The following MRTFB variants were observed in gnomAD, a reference collection of about 807,000 sequenced individuals.
MRTFB encodes myocardin-related transcription factor B.
In MRTFB, 29 loss-of-function variants were observed where a neutral mutation model predicts 104.2. The ratio of observed to expected loss-of-function variants is 0.28; its 90% CI spans 0.21 to 0.38. The LOEUF is 0.38. Ranked by LOEUF, MRTFB falls within the 10% of genes least tolerant of loss-of-function variation. The probability of loss-of-function intolerance (pLI) is 1.00; values close to 1 mark genes in which losing one functional copy is unlikely to be tolerated. For synonymous variants in MRTFB, 535 were observed against 519.5 expected (o/e 1.03, Z -0.41); for missense variants, 1,270 against 1,341.6 (o/e 0.95, Z 0.83).
In MRTFB at chr16:14,246,692, G is replaced by A. The variant is rs746975324; in HGVS notation, c.1432G>A (p.Val478Ile). 32 of 1,614,060 alleles carry A rather than the reference G, an allele frequency of 2.0e-5. No homozygotes were observed. The East Asian group carries it at 4.7e-4, about 24-fold the overall frequency. Reference sequence around the variant, plus strand: ...ACTACACAACACTGTGACTAGCTCAGTCTCTACTCTCAAGGCAGAATTGCC... The same window carrying A: ...ACTACACAACACTGTGACTAGCTCAATCTCTACTCTCAAGGCAGAATTGCC... ...TTLHNTVTSS[V>I]STLKAELPPT... The change falls in exon 12 of 17, where the codon GTC becomes ATC. Residue 478 changes from valine (V) to isoleucine (I), a missense_variant. Coordinates refer to ENST00000571589, the MANE Select transcript of MRTFB (RefSeq NM_001308142.2).
intron 13 of MRTFB, 134 bp downstream of exon 13, chr16:14,249,215 G>A: frequency 1.9e-6 from 2 of 1,075,488 alleles, no homozygotes; most frequent in Admixed American, 2.8e-5. Flanking sequence ...CCCATAGAAT[G>A]AGCCTTAGGT....
chr16:14,187,081 T>C (rs2039982378), intron 3 of MRTFB: 3 of 1,521,234 alleles, frequency 2.0e-6, no homozygotes, highest in East Asian at 2.3e-5. Context: ...ATTCATATTC[T>C]GGTCAGCCAG....
intron 2 of MRTFB, among the ~76,000 whole-genome samples, chr16:14,136,540 AT>A (rs572591202): frequency 1.3e-5 from 2 of 151,614 alleles, no homozygotes; most frequent in Non-Finnish European, 2.9e-5. Context: ...CCCATCAGGG[AT>A]TTTTTTTTAA....
chr16:14,017,702 TA>T, the MRTFB span, among the ~76,000 whole-genome samples: 4 of 35,816 alleles, frequency 1.1e-4, no homozygotes, highest in Non-Finnish European at 2.9e-4. Flanking sequence ...TATATATATA[TA>T]TATATATATT....
At chr16:14,127,050 T>C (rs2037147314) in intron 2 of MRTFB, among the ~76,000 whole-genome samples, 1 of 152,236 alleles carries the variant, frequency 6.6e-6, no homozygotes, top group East Asian at 1.9e-4. Flanking sequence ...TACTCATTTT[T>C]CAAAGAGGCT....
intron 3 of MRTFB, among the ~76,000 whole-genome samples, chr16:14,207,080 T>C (rs1189077234): frequency 2.0e-5 from 3 of 152,200 alleles, no homozygotes; most frequent in Non-Finnish European, 4.4e-5. Flanking sequence ...CATGGATTTG[T>C]ACCCCATGCA....
chr16:14,217,783 TTC>T (rs1457171388), intron 7 of MRTFB, among the ~76,000 whole-genome samples: 21 of 152,248 alleles, frequency 1.4e-4, no homozygotes, highest in African/African-American at 5.1e-4. Flanking sequence ...AACTTTTTAT[TTC>T]TGTCTACTTC....
At chr16:14,258,067 A>C in intron 15 of MRTFB, 34 bp from the exon 16 acceptor site, 1 of 1,595,788 alleles carries the variant, frequency 6.3e-7, no homozygotes, top group Non-Finnish European at 8.6e-7. Flanking sequence ...GGTTTGTATG[A>C]AAGAAACCTA....
intron 1 of MRTFB, among the ~76,000 whole-genome samples, 171 bp from the exon 2 acceptor site, chr16:14,079,119 G>C (rs1040358851): frequency 3.3e-5 from 5 of 152,148 alleles, no homozygotes; most frequent in Non-Finnish European, 7.4e-5. Flanking sequence ...TTTAGGAAAA[G>C]TTTTAGTTAC....
At chr16:14,061,043 G>C in the MRTFB span, among the ~76,000 whole-genome samples, 1 of 152,130 alleles carries the variant, frequency 6.6e-6, no homozygotes, top group Non-Finnish European at 1.5e-5. Flanking sequence ...CTACTCAGGA[G>C]GCTGAAGCAG....
At chr16:14,224,013 G>T (rs917603607) in intron 8 of MRTFB, among the ~76,000 whole-genome samples, 16 of 152,182 alleles carry the variant, frequency 1.1e-4, no homozygotes, top group African/African-American at 3.9e-4. Flanking sequence ...AGGCATGGCT[G>T]GGGAGGCCTC....
chr16:14,256,194 CAA>C (rs750556838), intron 15 of MRTFB, among the ~76,000 whole-genome samples: 3 of 77,632 alleles, frequency 3.9e-5, no homozygotes, highest in Non-Finnish European at 5.4e-5. Context: ...AACAGGATAA[CAA>C]AAAAAAAAAA....
intron 1 of MRTFB, among the ~76,000 whole-genome samples, chr16:14,078,640 G>T (rs1403053678): frequency 1.3e-5 from 2 of 150,132 alleles, no homozygotes; most frequent in East Asian, 1.9e-4. Flanking sequence ...TGTTGCCTCA[G>T]TCTGGTCTCA....
At chr16:14,128,211 C>T (rs189462386) in intron 2 of MRTFB, among the ~76,000 whole-genome samples, 4 of 152,014 alleles carry the variant, frequency 2.6e-5, no homozygotes, top group South Asian at 2.1e-4. Flanking sequence ...TCTGTGCAAG[C>T]GTAGTTGGGT....
chr16:14,151,624 A>C (rs894714610), intron 3 of MRTFB: 4 of 152,136 alleles, frequency 2.6e-5, no homozygotes, highest in African/African-American at 9.7e-5. Flanking sequence ...AATGACATTC[A>C]GTTTCTTAAT....
At chr16:14,138,025 T>A (rs1388478478) in intron 2 of MRTFB, among the ~76,000 whole-genome samples, 2 of 152,118 alleles carry the variant, frequency 1.3e-5, no homozygotes, top group Non-Finnish European at 2.9e-5. Flanking sequence ...CTGAAACTAT[T>A]TGTATTTTTT....
chr16:14,045,263 G>A, the MRTFB span, among the ~76,000 whole-genome samples: 11 of 152,182 alleles, frequency 7.2e-5, no homozygotes, highest in South Asian at 6.2e-4. Context: ...TTTCCAGAAC[G>A]TCACATGGAA....
Position 14,265,022 on chromosome 16 carries a change from G to GTAA in MRTFB, c.*3579_*3581dup, listed in dbSNP as rs2043898422. On this transcript the variant is annotated 3_prime_UTR_variant, in exon 17 of 17. Transcript: ENST00000571589. ...AAATGGACTTGGCCTTAGAGACGTGGTAAAGCACTTTGGCAGGGTTTAAAA... is the reference window on the plus strand; with the variant it reads ...AAATGGACTTGGCCTTAGAGACGTGGTAATAAAGCACTTTGGCAGGGTTTAAAA... The GTAA allele has an allele frequency of 6.6e-6, 1 of 152,220 alleles. No homozygotes were observed. Among genetic ancestry groups the GTAA allele is most frequent in the Non-Finnish European group, 1.5e-5 (1 of 68,058 alleles). 9.4% of individuals were successfully genotyped at this position (152,220 alleles called of 1,614,324 possible).
the MRTFB span, among the ~76,000 whole-genome samples, chr16:14,023,673 G>GTATA: frequency 2.1e-4 from 30 of 140,836 alleles, no homozygotes; most frequent in African/African-American, 4.8e-4. Context: ...GTGTGTGTGT[G>GTATA]TGTCTATATA....
Sources: gnomAD v4.1 joint callset for allele counts (sites outside exome capture counted in the v4.1 genomes callset) on GRCh38, gnomAD v4.1.1 for gene constraint, MANE v1.5 for transcripts, NCBI Gene and HGNC (gene_info 2026-07-23, HGNC 2026-07-21) for gene names.